The following PGAP3 variants were observed in gnomAD, a reference collection of about 807,000 sequenced individuals.
The protein encoded by PGAP3 is post-GPI attachment to proteins phospholipase 3, also known as GPI-specific phospholipase A2-like PGAP3.
A neutral mutation model predicts 40.3 loss-of-function variants in PGAP3; 31 were observed. The ratio of observed to expected loss-of-function variants is 0.77; its 90% CI spans 0.58 to 1.04. The LOEUF is 1.04. Among genes scored for constraint, PGAP3 ranks in the 50% least tolerant of loss-of-function variants. The pLI, the probability that PGAP3 is intolerant of heterozygous loss-of-function variation, is 0.00. For missense variants in PGAP3, 413 were observed against 423.0 expected (o/e 0.98, Z 0.21); for synonymous variants, 191 against 184.5 (o/e 1.04, Z -0.29).
chr17:39,677,635 G>A (rs908414674), intron 3 of PGAP3, among the ~76,000 whole-genome samples: 2 of 152,202 alleles, frequency 1.3e-5, no homozygotes, highest in Non-Finnish European at 2.9e-5. Context: ...TGGCCAGGAG[G>A]GCGACAGGCT....
chr17:39,676,440 C>T (rs1476179007), intron 3 of PGAP3, among the ~76,000 whole-genome samples: 4 of 152,172 alleles, frequency 2.6e-5, no homozygotes, highest in East Asian at 3.9e-4. Flanking sequence ...GGTGTGTGTG[C>T]GGGCAAACAT....
intron 3 of PGAP3, among the ~76,000 whole-genome samples, chr17:39,684,260 T>C (rs1391966730): frequency 2.6e-5 from 4 of 151,738 alleles, no homozygotes; most frequent in Non-Finnish European, 5.9e-5. Context: ...GAAAGACCTG[T>C]GGTCCCAGCA....
intron 3 of PGAP3, among the ~76,000 whole-genome samples, chr17:39,681,415 G>A (rs1350391158): frequency 1.3e-5 from 2 of 152,092 alleles, no homozygotes; most frequent in Admixed American, 6.6e-5. Flanking sequence ...CAAAAATTAC[G>A]GGAGGCCATT....
Position 39,672,790 on chromosome 17 carries a change from C to T in PGAP3, c.*13G>A, listed in dbSNP as rs778732985. 1.9e-6 allele frequency: 3 copies of T among 1,613,726 alleles called. No homozygotes were observed. Among genetic ancestry groups the T allele is most frequent in the Middle Eastern group, 1.7e-4 (1 of 6,060 alleles). ...GGCAGGATCCCCACTGGGGCAGACT[C>T]GCTCCAAGGTCTTCAGTCCAGCTTG... On this transcript the variant is annotated 3_prime_UTR_variant, in exon 8 of 8. Coordinates refer to ENST00000300658, the MANE Select transcript of PGAP3 (RefSeq NM_033419.5).
intron 3 of PGAP3, among the ~76,000 whole-genome samples, chr17:39,682,766 C>G (rs1341709855): frequency 6.6e-6 from 1 of 152,120 alleles, no homozygotes; most frequent in Non-Finnish European, 1.5e-5. Flanking sequence ...AACAACTTTT[C>G]TCCTCAACCC....
chr17:39,683,110 C>T (rs1161114605), intron 3 of PGAP3, among the ~76,000 whole-genome samples: 2 of 151,484 alleles, frequency 1.3e-5, no homozygotes, highest in Admixed American at 6.6e-5. Context: ...AAAATCCCTC[C>T]GTACTTCCTG....
chr17:39,676,776 T>C (rs2057380215), intron 3 of PGAP3: 1 of 152,330 alleles, frequency 6.6e-6, no homozygotes, highest in African/African-American at 2.4e-5. Context: ...GGAATAATCA[T>C]AGTTGATAAG....
At chr17:39,679,972 C>T (rs778538956) in intron 3 of PGAP3, among the ~76,000 whole-genome samples, 2 of 152,164 alleles carry the variant, frequency 1.3e-5, no homozygotes, top group African/African-American at 2.4e-5. Flanking sequence ...AGTTAGAGGA[C>T]GCGGTCTCCC....
rs2145094970 is a variant in PGAP3 at position 39,672,659 on chromosome 17, C to T, written c.*144G>A. On this transcript the variant is annotated 3_prime_UTR_variant, in exon 8 of 8. Coordinates refer to ENST00000300658, the MANE Select transcript of PGAP3 (RefSeq NM_033419.5). ...CTGGTGAGGGCCAACAGGGGGTGGG[C>T]TGGCCACATGATTCTGGGCCCACAT... is the stretch of plus-strand genomic sequence containing the variant. 1 of 857,172 alleles carries T rather than the reference C, an allele frequency of 1.2e-6. No individual in the cohort carries two copies. The highest frequency in any genetic ancestry group is 1.8e-6 in the Non-Finnish European group (1 of 541,828). The allele number at this position is 857,172 out of a possible 1,614,324, so 53.1% of individuals were successfully genotyped here.
intron 3 of PGAP3, among the ~76,000 whole-genome samples, chr17:39,683,912 G>A (rs895587505): frequency 8.6e-5 from 13 of 152,004 alleles, no homozygotes; most frequent in African/African-American, 3.1e-4. Flanking sequence ...ATCACCTGAG[G>A]TTGGGAGTTC....
intron 3 of PGAP3, among the ~76,000 whole-genome samples, chr17:39,683,449 T>A (rs2057467733): frequency 6.6e-6 from 1 of 152,186 alleles, no homozygotes; most frequent in South Asian, 2.1e-4. Context: ...CCGACTGCAC[T>A]TTTTCATAGT....
chr17:39,681,276 C>T, intron 3 of PGAP3, among the ~76,000 whole-genome samples: 1 of 152,098 alleles, frequency 6.6e-6, no homozygotes, highest in East Asian at 1.9e-4. Flanking sequence ...AAAGTGTGGA[C>T]TCTGGAGCCA....
In PGAP3 at chr17:39,687,948, C is replaced by T. The variant is rs891877528; in HGVS notation, c.67G>A (p.Gly23Ser). 1.4e-5 allele frequency: 20 copies of T among 1,476,344 alleles called. No individual in the cohort carries two copies. Among genetic ancestry groups the T allele is most frequent in the Non-Finnish European group, 1.6e-5 (18 of 1,098,746 alleles). 91.5% of individuals were successfully genotyped at this position (1,476,344 alleles called of 1,614,324 possible). Residue 23 changes from glycine to serine, a missense_variant, in exon 1 of 8, where the codon GGC (glycine) becomes AGC (serine). Gly to Ser is a moderately conservative substitution (Grantham distance 56). Transcript: ENST00000300658. ...TCGCGGTACACCGGCTCACGGTCGC[C>T]CTGGGAGCCGCTCGCCAGCGCCGCT... The part of the protein sequence containing the change: ...GAAALASGSQ[G>S]DREPVYRDCV...
chr17:39,684,596 C>T lies in PGAP3; in HGVS notation c.432+1G>A, dbSNP rs1555610241. The stretch of plus-strand genomic sequence containing the variant: ...AGCAGGAGTCCTGCTAGGTTACCTA[C>T]CCAGGCGAAGGCCACACAGGTGTGG... On this transcript the variant is annotated splice_donor_variant, in intron 3 of 7. Coordinates refer to ENST00000300658, the MANE Select transcript of PGAP3 (RefSeq NM_033419.5). LOFTEE classifies it high-confidence loss of function. 1.2e-6 allele frequency: 2 copies of T among 1,608,508 alleles called. No homozygotes were observed. The highest frequency in any genetic ancestry group is 2.2e-5 in the South Asian group (2 of 90,326).
intron 1 of PGAP3, 57 bp from the exon 2 acceptor site, chr17:39,686,076 C>A: frequency 6.7e-7 from 1 of 1,499,662 alleles, no homozygotes; most frequent in Non-Finnish European, 9.2e-7. Flanking sequence ...AAAGAGAGAG[C>A]ATGAATGGGG....
Position 39,671,190 on chromosome 17 carries a change from AAAG to A in PGAP3, c.*1610_*1612del, listed in dbSNP as rs2057300709. On this transcript the variant is annotated 3_prime_UTR_variant, in exon 8 of 8. Transcript: ENST00000300658. Reference sequence around the variant, plus strand: ...CCCACCTTAAAAGTTTTCAGTATCAAAAGAAGCTAGCGCAGGCCACCCGAGTCC... The same window carrying A: ...CCCACCTTAAAAGTTTTCAGTATCAAAAGCTAGCGCAGGCCACCCGAGTCC... The A allele has an allele frequency of 2.0e-5, 3 of 152,364 alleles. No homozygotes were observed. Among genetic ancestry groups the A allele is most frequent in the African/African-American group, 7.2e-5 (3 of 41,458 alleles). The allele number at this position is 152,364 out of a possible 1,614,324, so 9.4% of individuals were successfully genotyped here. A position where few individuals can be genotyped will look rare whatever the true frequency, so the allele number is the denominator to read the frequency against.
At chr17:39,673,766 T>C (rs1254323814) in intron 5 of PGAP3, 116 bp from the exon 6 acceptor site, 2 of 1,426,620 alleles carry the variant, frequency 1.4e-6, no homozygotes, top group Non-Finnish European at 1.9e-6. Context: ...ACTACCCCTC[T>C]CCCCACCAAA....
Position 39,671,724 on chromosome 17 carries a change from AG to A in PGAP3, c.*1078del, listed in dbSNP as rs1416744488. 1 of 152,366 alleles carries A rather than the reference AG, an allele frequency of 6.6e-6. No individual in the cohort carries two copies. Among genetic ancestry groups the A allele is most frequent in the African/African-American group, 2.4e-5 (1 of 41,408 alleles). The allele number at this position is 152,366 out of a possible 1,614,324, so 9.4% of individuals were successfully genotyped here. On this transcript the variant is annotated 3_prime_UTR_variant, in exon 8 of 8. Transcript: ENST00000300658. ...GGCACTGTTGTGTGGGGACCCTGTG[AG>A]GTTTGCAGGAGGCGGGCAAAGGGGC...
intron 1 of PGAP3, among the ~76,000 whole-genome samples, chr17:39,686,462 G>T (rs1318785142): frequency 2.0e-5 from 3 of 151,566 alleles, no homozygotes; most frequent in Admixed American, 1.3e-4. Flanking sequence ...CTCCATGTTG[G>T]TCAGGGTGGT....
Sources: allele counts gnomAD v4.1 joint callset (sites outside exome capture counted in the v4.1 genomes callset), GRCh38; gene constraint gnomAD v4.1.1; transcripts MANE v1.5; gene names NCBI Gene and HGNC (gene_info 2026-07-23, HGNC 2026-07-21).